The following KLF12 variants were observed in gnomAD, a reference collection of about 807,000 sequenced individuals.
KLF12 encodes KLF transcription factor 12, also known as Krueppel-like factor 12.
KLF12 carries 9 observed loss-of-function variants against 37.8 expected under a neutral mutation model. The ratio of observed to expected loss-of-function variants is 0.24; its 90% CI spans 0.14 to 0.42. The LOEUF (loss-of-function observed/expected upper bound fraction) is 0.42. Ranked by LOEUF, KLF12 falls within the 10% of genes least tolerant of loss-of-function variation. The pLI is 1.00. For missense variants in KLF12, 411 were observed against 516.0 expected (o/e 0.80, Z 1.97); for synonymous variants, 208 against 202.1 (o/e 1.03, Z -0.25).
intron 4 of KLF12, among the ~76,000 whole-genome samples, chr13:73,829,309 A>G (rs1000548914): frequency 6.6e-6 from 1 of 152,372 alleles, no homozygotes; most frequent in East Asian, 1.9e-4. Flanking sequence ...CTGGCAGGCC[A>G]AATTTTATTT....
chr13:74,046,889 T>C (rs1282928283), intron 1 of KLF12, among the ~76,000 whole-genome samples: 1 of 152,250 alleles, frequency 6.6e-6, no homozygotes, highest in African/African-American at 2.4e-5. Flanking sequence ...TACCAAATTA[T>C]ATATCTTAAA....
chr13:73,769,307 C>G (rs1440562734), intron 5 of KLF12, among the ~76,000 whole-genome samples: 2 of 152,170 alleles, frequency 1.3e-5, no homozygotes, highest in African/African-American at 4.8e-5. Flanking sequence ...TCACAGCCAT[C>G]AATAGTCTCC....
At chr13:74,059,318 T>C (rs945233946) in intron 1 of KLF12, among the ~76,000 whole-genome samples, 1 of 152,230 alleles carries the variant, frequency 6.6e-6, no homozygotes, top group African/African-American at 2.4e-5. Flanking sequence ...GATTGCTGGG[T>C]TGAATGGCAA....
chr13:74,165,862 T>G, the KLF12 span, among the ~76,000 whole-genome samples: 1 of 152,172 alleles, frequency 6.6e-6, no homozygotes, highest in African/African-American at 2.4e-5. Flanking sequence ...TGGGGCTATG[T>G]TAGGATCCCA....
rs1284729901 is a variant in KLF12 at position 73,693,344 on chromosome 13, G to C, written c.*2146C>G. Reference sequence around the variant, plus strand: ...TTCCAGGTGCTAAAAAAAACCCACTGGTTGATGAGTAGTAGACTGTGCAGC... The same window carrying C: ...TTCCAGGTGCTAAAAAAAACCCACTCGTTGATGAGTAGTAGACTGTGCAGC... On this transcript the variant is annotated 3_prime_UTR_variant, in exon 8 of 8. Coordinates refer to ENST00000377669, the MANE Select transcript of KLF12 (RefSeq NM_007249.5). 1 of 152,166 alleles carries C rather than the reference G, an allele frequency of 6.6e-6. No homozygotes were observed. 9.4% of individuals were successfully genotyped at this position (152,166 alleles called of 1,614,324 possible).
At chr13:73,942,216 T>A (rs1890220293) in intron 3 of KLF12, among the ~76,000 whole-genome samples, 1 of 152,194 alleles carries the variant, frequency 6.6e-6, no homozygotes, top group Non-Finnish European at 1.5e-5. Context: ...TGACCATTGG[T>A]CTGGGGCTAA....
chr13:74,025,449 T>C, intron 1 of KLF12, among the ~76,000 whole-genome samples: 1 of 152,152 alleles, frequency 6.6e-6, no homozygotes, highest in Non-Finnish European at 1.5e-5. Flanking sequence ...TGAATATATC[T>C]GATGCTCACT....
At chr13:73,729,006 T>C (rs1876865691) in intron 6 of KLF12, among the ~76,000 whole-genome samples, 1 of 152,228 alleles carries the variant, frequency 6.6e-6, no homozygotes, top group Admixed American at 6.5e-5. Flanking sequence ...CTATGTCAAC[T>C]GTTCCCATTT....
chr13:74,060,771 C>T (rs1157763066), intron 1 of KLF12, among the ~76,000 whole-genome samples: 2 of 152,032 alleles, frequency 1.3e-5, no homozygotes, highest in Non-Finnish European at 2.9e-5. Flanking sequence ...TCTCTCTTAC[C>T]TGATTGCTCT....
intron 5 of KLF12, among the ~76,000 whole-genome samples, chr13:73,768,896 A>G (rs1294598570): frequency 6.9e-6 from 1 of 143,958 alleles, no homozygotes; most frequent in Admixed American, 7.0e-5. Flanking sequence ...ATATAAGATT[A>G]TCATCTGATA....
rs182787284 is a variant in KLF12, at chr13:73,827,870, G to T, written c.671-14583C>A. 4.3e-4 allele frequency among the ~76,000 whole-genome samples: 66 copies of T among 152,156 alleles called. 3 individuals are homozygous for T. The East Asian group carries it at 8.7e-3, about 20-fold the overall frequency. ...GAGCCACTGTGTCCGGGCCCATCCA[G>T]AATTTTGGTGCATGTTTTACTATCA... On this transcript the variant is annotated intron_variant, in intron 4 of 7. Coordinates refer to ENST00000377669, the MANE Select transcript of KLF12 (RefSeq NM_007249.5).
chr13:73,788,257 A>G (rs568318723), intron 5 of KLF12, among the ~76,000 whole-genome samples: 1 of 152,338 alleles, frequency 6.6e-6, no homozygotes, highest in African/African-American at 2.4e-5. Flanking sequence ...TGGAATTCAC[A>G]TAAGTTTATT....
intron 1 of KLF12, among the ~76,000 whole-genome samples, chr13:74,079,042 T>G (rs1874728254): frequency 6.6e-6 from 1 of 152,178 alleles, no homozygotes; most frequent in African/African-American, 2.4e-5. Context: ...TATACGGTAT[T>G]CTCTTCCCAC....
At chr13:73,928,395 A>G (rs1434141616) in intron 3 of KLF12, among the ~76,000 whole-genome samples, 1 of 152,228 alleles carries the variant, frequency 6.6e-6, no homozygotes, top group Non-Finnish European at 1.5e-5. Flanking sequence ...ACTCTATTCC[A>G]TCTTCTCAAT....
rs150459953 is a variant in KLF12 at position 74,124,139 on chromosome 13, A to C, written c.-32+9600T>G. Reference sequence around the variant, plus strand: ...ATTCCACCACACTCAATATAGTGCTAAAAAAAAATTCCATTAATGCTTTTA... The same window carrying C: ...ATTCCACCACACTCAATATAGTGCTCAAAAAAAATTCCATTAATGCTTTTA... On this transcript the variant is annotated intron_variant, in intron 1 of 7. Coordinates refer to ENST00000377669, the MANE Select transcript of KLF12 (RefSeq NM_007249.5). 4.2e-3 allele frequency among the ~76,000 whole-genome samples: 634 copies of C among 151,718 alleles called. 2 individuals are homozygous for C. Among genetic ancestry groups the C allele is most frequent in the African/African-American group, 0.014 (598 of 41,382 alleles).
At chr13:73,927,324 A>C (rs911931295) in intron 3 of KLF12, among the ~76,000 whole-genome samples, 2 of 152,188 alleles carry the variant, frequency 1.3e-5, no homozygotes, top group Non-Finnish European at 2.9e-5. Context: ...TTATATTACA[A>C]GTAACAGTTT....
At chr13:73,832,841 G>T (rs1293994741) in intron 4 of KLF12, among the ~76,000 whole-genome samples, 2 of 152,152 alleles carry the variant, frequency 1.3e-5, no homozygotes, top group Non-Finnish European at 2.9e-5. Context: ...AAAACTGATT[G>T]TACCATTATC....
At chr13:74,018,149 C>T (rs540554485) in intron 1 of KLF12, among the ~76,000 whole-genome samples, 3 of 151,698 alleles carry the variant, frequency 2.0e-5, no homozygotes, top group Admixed American at 1.3e-4. Context: ...GGAAATCCTG[C>T]CATTTGTGAC....
the KLF12 span, among the ~76,000 whole-genome samples, chr13:74,187,659 C>G: frequency 6.6e-6 from 1 of 152,076 alleles, no homozygotes; most frequent in African/African-American, 2.4e-5. Context: ...AATTAATTTG[C>G]CCAAGTTTGA....
Sources: gnomAD v4.1 joint callset for allele counts (sites outside exome capture counted in the v4.1 genomes callset) on GRCh38, gnomAD v4.1.1 for gene constraint, MANE v1.5 for transcripts, NCBI Gene and HGNC (gene_info 2026-07-23, HGNC 2026-07-21) for gene names.